CRTAC1: variants seen among roughly 807,000 people sequenced by gnomAD.
CRTAC1 encodes the protein cartilage acidic protein 1, also known as acidic secreted protein in cartilage.
Under a neutral mutation model 67.8 loss-of-function variants are expected in CRTAC1, and 37 were observed. That is an observed-to-expected ratio of 0.55 (90% confidence interval 0.42 to 0.72). The LOEUF is 0.72. Ranked by LOEUF, CRTAC1 falls within the 30% of genes least tolerant of loss-of-function variation. CRTAC1 has a pLI of 0.00. For missense variants in CRTAC1, 780 were observed against 931.6 expected, an observed-to-expected ratio of 0.84 and a Z score of 2.12; for synonymous variants, 348 against 371.0, an observed-to-expected ratio of 0.94 and a Z score of 0.71.
intron 2 of CRTAC1, among the ~76,000 whole-genome samples, chr10:97,981,908 T>C (rs569619246): frequency 1.7e-4 from 26 of 152,350 alleles, no homozygotes; most frequent in African/African-American, 6.0e-4. Context: ...CTATTGGCCA[T>C]CTGCATCTCT....
intron 12 of CRTAC1, 104 bp downstream of exon 12, chr10:97,884,102 C>T (rs1280165860): frequency 3.6e-6 from 5 of 1,371,426 alleles, no homozygotes; most frequent in Non-Finnish European, 4.9e-6. Context: ...ATTTCCATCA[C>T]TCTAGAGGCT....
chr10:97,920,940 A>G (rs1254975815), intron 4 of CRTAC1, among the ~76,000 whole-genome samples: 2 of 152,228 alleles, frequency 1.3e-5, no homozygotes, highest in Non-Finnish European at 2.9e-5. Context: ...GTGATGAGGC[A>G]ACTGGTGAGA....
chr10:97,986,914 TAA>T (rs1330991362), intron 2 of CRTAC1, among the ~76,000 whole-genome samples: 1 of 152,204 alleles, frequency 6.6e-6, no homozygotes, highest in Non-Finnish European at 1.5e-5. Flanking sequence ...ATCTCCTTCG[TAA>T]ATAAGATTAT....
intron 1 of CRTAC1, among the ~76,000 whole-genome samples, chr10:98,011,683 A>T (rs1172581384): frequency 1.3e-5 from 2 of 152,196 alleles, no homozygotes; most frequent in Non-Finnish European, 2.9e-5. Context: ...CCACTTGGGC[A>T]AGGATCTCTG....
chr10:97,869,247 G>C (rs903441686), intron 14 of CRTAC1: 1 of 152,378 alleles, frequency 6.6e-6, no homozygotes, highest in Non-Finnish European at 1.5e-5. Context: ...GGCTGTGCTC[G>C]CAGGCATGCG....
In CRTAC1 at chr10:98,030,583, T is replaced by A; in HGVS notation, c.-111A>T. 1 of 701,998 alleles carries A rather than the reference T, an allele frequency of 1.4e-6. No individual in the cohort carries two copies. Among genetic ancestry groups the A allele is most frequent in the Non-Finnish European group, 2.0e-6 (1 of 503,316 alleles). The allele number at this position is 701,998 out of a possible 1,614,324, so 43.5% of individuals were successfully genotyped here. A position where few individuals can be genotyped will look rare whatever the true frequency, so the allele number is the denominator to read the frequency against. On this transcript the variant is annotated 5_prime_UTR_variant, in exon 1 of 15. Coordinates refer to ENST00000370597, the MANE Select transcript of CRTAC1 (RefSeq NM_018058.7). This position sits in a 1 kb window ranked among gnomAD's most constrained non-coding sequence, Gnocchi z 4.2. ...TCCCAGCCCCGGTCCCGGGCTGGCC[T>A]CGAGCCTCCCGCCCCGACGCCGCGC...
intron 2 of CRTAC1, among the ~76,000 whole-genome samples, chr10:97,949,709 A>C (rs1247314393): frequency 6.6e-6 from 1 of 152,214 alleles, no homozygotes; most frequent in East Asian, 1.9e-4. Flanking sequence ...AGACCACCTG[A>C]GGGCAGATTT....
chr10:98,021,777 A>G (rs1050760542), intron 1 of CRTAC1, among the ~76,000 whole-genome samples: 1 of 152,152 alleles, frequency 6.6e-6, no homozygotes, highest in Non-Finnish European at 1.5e-5. Context: ...TAGTTGCCAA[A>G]TGTTGAATGG....
At chr10:97,928,551 G>A (rs989868080) in intron 3 of CRTAC1, among the ~76,000 whole-genome samples, 1 of 152,206 alleles carries the variant, frequency 6.6e-6, no homozygotes, top group African/African-American at 2.4e-5. Context: ...CGTATGAAGC[G>A]CCTGGGGCAT....
intron 4 of CRTAC1, among the ~76,000 whole-genome samples, chr10:97,922,062 A>G (rs1198613824): frequency 6.6e-6 from 1 of 152,068 alleles, no homozygotes; most frequent in African/African-American, 2.4e-5. Context: ...GAGTGTCAAA[A>G]GCCTTGGTCC....
At chr10:97,941,945 G>T (rs185038970) in intron 2 of CRTAC1, among the ~76,000 whole-genome samples, 39 of 152,190 alleles carry the variant, frequency 2.6e-4, no homozygotes, top group African/African-American at 9.1e-4. Context: ...GCCTCCTTCT[G>T]CCACAGGGTC....
rs1361495679 is a variant in CRTAC1, at chr10:98,030,373, G to A, written c.24+76C>T. 2.1e-6 allele frequency: 2 copies of A among 964,530 alleles called. No individual in the cohort carries two copies. Among genetic ancestry groups the A allele is most frequent in the African/African-American group, 3.4e-5 (2 of 59,252 alleles). 59.7% of individuals were successfully genotyped at this position (964,530 alleles called of 1,614,324 possible). ...GGCGGCGTCCCCGCCACCCTTGCGG[G>A]CGGATCCGGGGGGGCGCGCAGAGCT... On this transcript the variant is annotated intron_variant, in intron 1 of 14. Coordinates refer to ENST00000370597, the MANE Select transcript of CRTAC1 (RefSeq NM_018058.7). This position sits in a 1 kb window ranked among gnomAD's most constrained non-coding sequence, Gnocchi z 4.2.
chr10:98,019,971 G>A (rs1843082653), intron 1 of CRTAC1, among the ~76,000 whole-genome samples: 1 of 152,148 alleles, frequency 6.6e-6, no homozygotes, highest in Admixed American at 6.5e-5. Context: ...TGGAAATCTG[G>A]CACCATCTCT....
chr10:97,966,340 C>T (rs1373489853), intron 2 of CRTAC1, among the ~76,000 whole-genome samples: 1 of 152,238 alleles, frequency 6.6e-6, no homozygotes, highest in African/African-American at 2.4e-5. Flanking sequence ...GAACACCTGG[C>T]CTCAAGTGGT....
chr10:97,915,223 G>T (rs372097090), intron 5 of CRTAC1, among the ~76,000 whole-genome samples: 1 of 152,228 alleles, frequency 6.6e-6, no homozygotes, highest in Non-Finnish European at 1.5e-5. Context: ...AGGCTGGTAG[G>T]GTTCTTAAGT....
At chr10:98,011,647 T>G (rs1485690067) in intron 1 of CRTAC1, among the ~76,000 whole-genome samples, 1 of 152,216 alleles carries the variant, frequency 6.6e-6, no homozygotes, top group Non-Finnish European at 1.5e-5. Flanking sequence ...ATTTATTGTG[T>G]GCCTCCCTCT....
At chr10:97,878,254 A>G (rs2050169525) in intron 14 of CRTAC1, 1 of 191,288 alleles carries the variant, frequency 5.2e-6, no homozygotes, top group South Asian at 9.2e-5. Context: ...TTCTATGTCA[A>G]TACACAGGAA....
intron 1 of CRTAC1, among the ~76,000 whole-genome samples, chr10:98,018,985 G>A (rs1843061505): frequency 6.6e-6 from 1 of 152,138 alleles, no homozygotes; most frequent in Non-Finnish European, 1.5e-5. Context: ...TAGGTGCTAG[G>A]GTCACAGCAA....
chr10:97,977,570 A>ATC (rs1347750562), intron 2 of CRTAC1, among the ~76,000 whole-genome samples: 2 of 148,978 alleles, frequency 1.3e-5, no homozygotes, highest in African/African-American at 5.2e-5. Context: ...TTTTTCTGGG[A>ATC]TAATCATAAT....
Sources: allele counts gnomAD v4.1 joint callset (sites outside exome capture counted in the v4.1 genomes callset), GRCh38; gene constraint gnomAD v4.1.1; non-coding constraint Gnocchi (gnomAD v3.1); transcripts MANE v1.5; gene names NCBI Gene and HGNC (gene_info 2026-07-23, HGNC 2026-07-21).